Variants in ZNF724 observed in about 807,000 individuals in gnomAD.
ZNF724 encodes zinc finger protein 724, also known as zinc finger protein 724 pseudogene.
A neutral mutation model predicts 29.3 loss-of-function variants in ZNF724; 14 were observed. That is an observed-to-expected ratio of 0.48 (90% CI 0.32 to 0.75). ZNF724 has a LOEUF of 0.75. Among genes scored for constraint, ZNF724 ranks in the 30% least tolerant of loss-of-function variants. The pLI is 0.04. For missense variants in ZNF724, 557 were observed against 571.2 expected (o/e 0.98, Z 0.25); for synonymous variants, 180 against 193.6 (o/e 0.93, Z 0.58).
chr19:23,223,303 A>G lies in ZNF724; in HGVS notation c.942T>C (p.His314=), dbSNP rs1971758293. ...AGGATTGGTTAAAAGCTCTGCCACAATGTTCACATATGTAGGGCTTCTCTC... is the reference window on the plus strand; with the variant it reads ...AGGATTGGTTAAAAGCTCTGCCACAGTGTTCACATATGTAGGGCTTCTCTC... The part of the protein sequence containing the change: ...HAGEKPYICE[H]CGRAFNQSSN... Residue 314 remains histidine, a synonymous_variant, in exon 4 of 4, where the codon CAT becomes CAC. Coordinates refer to ENST00000418100, the MANE Select transcript of ZNF724 (RefSeq NM_001355404.2). The G allele has an allele frequency of 1.3e-6, 1 of 771,750 alleles. No individual in the cohort carries two copies. Among genetic ancestry groups the G allele is most frequent in the African/African-American group, 1.7e-5 (1 of 58,348 alleles). 47.8% of individuals were successfully genotyped at this position (771,750 alleles called of 1,614,324 possible).
At chr19:23,240,849 T>G (rs1972111060) in intron 1 of ZNF724, among the ~76,000 whole-genome samples, 1 of 151,574 alleles carries the variant, frequency 6.6e-6, no homozygotes, top group African/African-American at 2.4e-5. Flanking sequence ...CTGACCAACA[T>G]GGTGAAACCC....
rs1037369666 is a variant in ZNF724 at position 23,221,662 on chromosome 19, C to T, written c.*723G>A. On this transcript the variant is annotated 3_prime_UTR_variant, in exon 4 of 4. Coordinates refer to ENST00000418100, the MANE Select transcript of ZNF724 (RefSeq NM_001355404.2). ...GTGGCACAAACTCAGCTCACTGCAACCTCTGCCTCCCAGGTTCAAGCGATT... is the reference window on the plus strand; with the variant it reads ...GTGGCACAAACTCAGCTCACTGCAATCTCTGCCTCCCAGGTTCAAGCGATT... The T allele has an allele frequency of 3.9e-5, 6 of 152,332 alleles. No homozygotes were observed. Among genetic ancestry groups the T allele is most frequent in the Non-Finnish European group, 8.8e-5 (6 of 68,320 alleles). The allele number at this position is 152,332 out of a possible 1,614,324, so 9.4% of individuals were successfully genotyped here.
intron 3 of ZNF724, 37 bp downstream of exon 3, chr19:23,231,228 TC>T: frequency 8.1e-7 from 1 of 1,239,268 alleles, no homozygotes; most frequent in Non-Finnish European, 1.2e-6. Context: ...CATTTGGACC[TC>T]TCATCTGTGT....
intron 1 of ZNF724, among the ~76,000 whole-genome samples, chr19:23,243,154 G>A (rs369582298): frequency 9.9e-5 from 15 of 151,822 alleles, no homozygotes; most frequent in African/African-American, 3.6e-4. Flanking sequence ...CAGTCACATG[G>A]ATGAAATTGA....
chr19:23,232,141 G>GA, intron 2 of ZNF724, 26 bp downstream of exon 2: 1 of 1,279,004 alleles, frequency 7.8e-7, no homozygotes, highest in Non-Finnish European at 1.1e-6. Flanking sequence ...GGTAGATTAG[G>GA]AATTGTGTAT....
intron 1 of ZNF724, among the ~76,000 whole-genome samples, chr19:23,245,529 C>T (rs1390848693): frequency 6.6e-6 from 1 of 151,978 alleles, no homozygotes; most frequent in Non-Finnish European, 1.5e-5. Context: ...AAGAGAATGG[C>T]GTGAACCCAG....
At chr19:23,248,696 G>A (rs764978029) in intron 1 of ZNF724, among the ~76,000 whole-genome samples, 2 of 151,696 alleles carry the variant, frequency 1.3e-5, no homozygotes, top group Non-Finnish European at 2.9e-5. Flanking sequence ...CGTTCAAGGT[G>A]GAAAATAAGA....
rs1159052673 is a variant in ZNF724 at position 23,222,145 on chromosome 19, T to C, written c.*240A>G. On this transcript the variant is annotated 3_prime_UTR_variant, in exon 4 of 4. Coordinates refer to ENST00000418100, the MANE Select transcript of ZNF724 (RefSeq NM_001355404.2). Reference sequence around the variant, plus strand: ...AGTTTTGCCACATTCTTCACACTTGTAGAGGTTTCCTCTACTATATTTTAC... The same window carrying C: ...AGTTTTGCCACATTCTTCACACTTGCAGAGGTTTCCTCTACTATATTTTAC... 4.5e-6 allele frequency: 2 copies of C among 444,372 alleles called. No individual in the cohort carries two copies. The highest frequency in any genetic ancestry group is 3.6e-5 in the South Asian group (1 of 27,592). 27.5% of individuals were successfully genotyped at this position (444,372 alleles called of 1,614,324 possible).
chr19:23,226,994 TGG>T (rs34755231), intron 3 of ZNF724, among the ~76,000 whole-genome samples: 50,767 of 151,752 alleles, frequency 0.33, 8,959 homozygotes, highest in African/African-American at 0.46. Context: ...ACTCAAACTC[TGG>T]TAAGCAACAT....
chr19:23,227,472 C>G (rs1307272778), intron 3 of ZNF724, among the ~76,000 whole-genome samples: 1 of 144,202 alleles, frequency 6.9e-6, no homozygotes, highest in Non-Finnish European at 1.5e-5. Context: ...AGAAGAATCA[C>G]TTGAACCCAG....
intron 3 of ZNF724, 32 bp downstream of exon 3, chr19:23,231,234 C>T (rs774338249): frequency 1.9e-5 from 24 of 1,254,324 alleles, no homozygotes; most frequent in Non-Finnish European, 2.7e-5. Context: ...GACCTCTCAT[C>T]TGTGTCATCT....
At chr19:23,241,494 C>A (rs529816037) in intron 1 of ZNF724, among the ~76,000 whole-genome samples, 1 of 152,220 alleles carries the variant, frequency 6.6e-6, no homozygotes, top group South Asian at 2.1e-4. Context: ...CAAAAATCCT[C>A]AACAAAATAT....
chr19:23,225,118 TA>T (rs1162236649), intron 3 of ZNF724, among the ~76,000 whole-genome samples: 1 of 152,186 alleles, frequency 6.6e-6, no homozygotes, highest in African/African-American at 2.4e-5. Context: ...GAATTATAAT[TA>T]AATACAGCAA....
chr19:23,230,514 T>C (rs896980989), intron 3 of ZNF724, among the ~76,000 whole-genome samples: 1 of 151,978 alleles, frequency 6.6e-6, no homozygotes, highest in Non-Finnish European at 1.5e-5. Flanking sequence ...CAGGAAGGAA[T>C]GTGCAGAAAA....
intron 3 of ZNF724, 64 bp from the exon 4 acceptor site, chr19:23,224,082 T>G (rs1438367193): frequency 1.5e-5 from 9 of 596,352 alleles, no homozygotes; most frequent in Non-Finnish European, 2.7e-5. Flanking sequence ...TCTTTACACA[T>G]CTAACCTACA....
At chr19:23,237,796 AT>A (rs1186773560) in intron 1 of ZNF724, among the ~76,000 whole-genome samples, 1 of 152,020 alleles carries the variant, frequency 6.6e-6, no homozygotes, top group Non-Finnish European at 1.5e-5. Context: ...AACCATGCTA[AT>A]TGTTTTGAAG....
chr19:23,247,066 T>C (rs1413490384), intron 1 of ZNF724, among the ~76,000 whole-genome samples: 1 of 152,006 alleles, frequency 6.6e-6, no homozygotes, highest in Non-Finnish European at 1.5e-5. Context: ...CTACTAAAAA[T>C]ACAAAAATTA....
intron 1 of ZNF724, among the ~76,000 whole-genome samples, chr19:23,246,893 C>G (rs571165597): frequency 4.5e-4 from 69 of 152,204 alleles, no homozygotes; most frequent in African/African-American, 1.6e-3. Flanking sequence ...AAAGCTAATG[C>G]TTGAAATTGT....
Position 23,223,264 on chromosome 19 carries a change from T to C in ZNF724, c.981A>G (p.Lys327=), listed in dbSNP as rs1171826984. The change falls in exon 4 of 4, where the codon AAA becomes AAG. Residue 327 remains lysine (K), a synonymous_variant. Coordinates refer to ENST00000418100, the MANE Select transcript of ZNF724 (RefSeq NM_001355404.2). Reference sequence around the variant, plus strand: ...TATCACCAGTATGAATTCTCTTATGTTTAGTAAGGTTCGAGGATTGGTTAA... The same window carrying C: ...TATCACCAGTATGAATTCTCTTATGCTTAGTAAGGTTCGAGGATTGGTTAA... ...RAFNQSSNLT[K]HKRIHTGDKP... The C allele has an allele frequency of 9.5e-6, 8 of 842,314 alleles. No individual in the cohort carries two copies. Among genetic ancestry groups the C allele is most frequent in the Non-Finnish European group, 1.4e-5 (7 of 483,208 alleles). 52.2% of individuals were successfully genotyped at this position (842,314 alleles called of 1,614,324 possible).
Sources: gnomAD v4.1 joint callset for allele counts (sites outside exome capture counted in the v4.1 genomes callset) on GRCh38, gnomAD v4.1.1 for gene constraint, MANE v1.5 for transcripts, NCBI Gene and HGNC (gene_info 2026-07-23, HGNC 2026-07-21) for gene names.